The following CEP112 variants were observed in gnomAD, a reference collection of about 807,000 sequenced individuals.
The protein encoded by CEP112 is centrosomal protein of 112 kDa.
Under a neutral mutation model 153.0 loss-of-function variants are expected in CEP112, and 127 were observed. That is an observed-to-expected ratio of 0.83 (90% confidence interval 0.72 to 0.96). The LOEUF (loss-of-function observed/expected upper bound fraction) is 0.96, where lower values mean the gene tolerates loss of function less well. CEP112 is among the 40% of genes least tolerant of loss of function. The pLI is 0.00. For missense variants in CEP112, 1,089 were observed against 1,101.2 expected (o/e 0.99, Z 0.16); for synonymous variants, 358 against 374.4 (o/e 0.96, Z 0.51).
chr17:66,120,053 C>T (rs2040034183), intron 6 of CEP112, among the ~76,000 whole-genome samples: 1 of 152,066 alleles, frequency 6.6e-6, no homozygotes, highest in Non-Finnish European at 1.5e-5. Context: ...TGAATATCTC[C>T]CTAAGATGAA....
chr17:65,976,446 T>G (rs921777822), intron 17 of CEP112, among the ~76,000 whole-genome samples: 3 of 112,958 alleles, frequency 2.7e-5, no homozygotes, highest in East Asian at 1.9e-4. Context: ...TAGTAGTTTA[T>G]AACTACAGAA....
intron 17 of CEP112, among the ~76,000 whole-genome samples, chr17:65,971,204 CG>C (rs1568318326): frequency 2.6e-5 from 4 of 152,114 alleles, no homozygotes; most frequent in Middle Eastern, 3.4e-3. Context: ...TCACATTGCA[CG>C]TATGTATATC....
In CEP112 at chr17:66,101,350, A is replaced by T. The variant is rs138829491; in HGVS notation, c.643-4718T>A. ...AAGACCATAAGAAACCATTTGAAAC[A>T]TGCAAGAATTCAGAAAATACTGTAT... On this transcript the variant is annotated intron_variant, in intron 6 of 26. Transcript: ENST00000535342. 1.4e-3 allele frequency among the ~76,000 whole-genome samples: 207 copies of T among 152,222 alleles called. 2 individuals are homozygous for T. The East Asian group carries it at 0.027, about 20-fold the overall frequency.
chr17:65,811,647 T>G (rs972796651), intron 21 of CEP112, among the ~76,000 whole-genome samples: 1 of 152,238 alleles, frequency 6.6e-6, no homozygotes, highest in Admixed American at 6.5e-5. Context: ...GGGTAGGACA[T>G]GCTTTGTTCT....
At chr17:66,131,405 G>A (rs1185267496) in intron 5 of CEP112, among the ~76,000 whole-genome samples, 2 of 151,980 alleles carry the variant, frequency 1.3e-5, no homozygotes, top group Non-Finnish European at 2.9e-5. Context: ...ATTATCATTC[G>A]ATAAAATGCA....
Position 65,635,924 on chromosome 17 carries a change from T to C in CEP112, c.*47A>G. 1 of 1,585,924 alleles carries C rather than the reference T, an allele frequency of 6.3e-7. No homozygotes were observed. Among genetic ancestry groups the C allele is most frequent in the Admixed American group, 1.8e-5 (1 of 57,120 alleles). ...AAATCTTCAAACCTGCTGGAAGAAG[T>C]CCACAGCACAGCCTGGAAATTGCAT... On this transcript the variant is annotated 3_prime_UTR_variant, in exon 27 of 27. Transcript: ENST00000535342.
intron 4 of CEP112, among the ~76,000 whole-genome samples, chr17:66,139,721 A>G (rs1862635067): frequency 1.3e-5 from 2 of 152,196 alleles, no homozygotes; most frequent in Admixed American, 6.5e-5. Flanking sequence ...TGCAAAACTT[A>G]CCAAGATTGA....
chr17:65,753,724 T>C (rs560142341), intron 21 of CEP112, among the ~76,000 whole-genome samples: 20 of 152,310 alleles, frequency 1.3e-4, no homozygotes, highest in Admixed American at 8.5e-4. Flanking sequence ...AAACGCTTAA[T>C]AGAACTCATA....
intron 24 of CEP112, among the ~76,000 whole-genome samples, chr17:65,643,641 G>T (rs765733272): frequency 6.6e-6 from 1 of 152,126 alleles, no homozygotes; most frequent in Non-Finnish European, 1.5e-5. Context: ...TATGTGGAGC[G>T]TTAGCAACAG....
At chr17:65,932,352 CA>C (rs946964674) in intron 18 of CEP112, among the ~76,000 whole-genome samples, 1 of 151,600 alleles carries the variant, frequency 6.6e-6, no homozygotes, top group Non-Finnish European at 1.5e-5. Flanking sequence ...ACAAAGATTA[CA>C]AAAAAAATCA....
rs80094380 is a variant in CEP112 at position 65,695,204 on chromosome 17, G to A, written c.2608-5986C>T. Among the ~76,000 whole-genome samples, 1,542 of 152,286 alleles carry A rather than the reference G, an allele frequency of 0.01. 75 individuals are homozygous for A. In the East Asian group the frequency reaches 0.11, roughly 10 times the overall value. Reference sequence around the variant, plus strand: ...TCCACAAGAACAATGAGCGCACACCGCACTCTTTAAAAGGGAGAGCATTGT... The same window carrying A: ...TCCACAAGAACAATGAGCGCACACCACACTCTTTAAAAGGGAGAGCATTGT... On this transcript the variant is annotated intron_variant, in intron 23 of 26. Coordinates refer to ENST00000535342, the MANE Select transcript of CEP112 (RefSeq NM_001199165.4).
At chr17:65,876,514 T>A (rs1224790113) in intron 20 of CEP112, among the ~76,000 whole-genome samples, 1 of 152,184 alleles carries the variant, frequency 6.6e-6, no homozygotes, top group Non-Finnish European at 1.5e-5. Context: ...TTCCTTCTGT[T>A]CTGAAATGTA....
chr17:65,747,900 C>G (rs2051573220), intron 22 of CEP112, among the ~76,000 whole-genome samples: 1 of 152,172 alleles, frequency 6.6e-6, no homozygotes, highest in African/African-American at 2.4e-5. Flanking sequence ...ATCTTATGCT[C>G]TCTGAGGTAC....
intron 16 of CEP112, among the ~76,000 whole-genome samples, chr17:66,005,985 A>T (rs2064258100): frequency 6.6e-6 from 1 of 152,234 alleles, no homozygotes; most frequent in South Asian, 2.1e-4. Flanking sequence ...GTCTACCGGC[A>T]GGTGAATTCT....
intron 6 of CEP112, among the ~76,000 whole-genome samples, chr17:66,108,484 T>C (rs2068880502): frequency 1.3e-5 from 2 of 152,162 alleles, no homozygotes; most frequent in Admixed American, 1.3e-4. Context: ...AAAGAAGACA[T>C]ATAAATGTCA....
intron 21 of CEP112, among the ~76,000 whole-genome samples, chr17:65,800,308 G>A (rs1229033090): frequency 1.3e-5 from 2 of 151,508 alleles, no homozygotes; most frequent in African/African-American, 4.9e-5. Flanking sequence ...TCCACATTCT[G>A]TTTCTACGGA....
At chr17:66,123,835 T>C (rs1448407114) in intron 6 of CEP112, among the ~76,000 whole-genome samples, 1 of 152,236 alleles carries the variant, frequency 6.6e-6, no homozygotes, top group African/African-American at 2.4e-5. Flanking sequence ...TATTTGTGGA[T>C]TTCCCAAATA....
chr17:66,030,291 G>GAT (rs967932493), intron 12 of CEP112, among the ~76,000 whole-genome samples: 4 of 152,152 alleles, frequency 2.6e-5, no homozygotes, highest in Admixed American at 6.5e-5. Flanking sequence ...TAATATTCAA[G>GAT]AATGTAGATA....
At chr17:65,655,037 A>G (rs2045988328) in intron 24 of CEP112, 1 of 677,928 alleles carries the variant, frequency 1.5e-6, no homozygotes, top group Admixed American at 1.8e-5. Flanking sequence ...GGATAGTATC[A>G]CTCTTGACAC....
Sources: allele counts gnomAD v4.1 joint callset (sites outside exome capture counted in the v4.1 genomes callset), GRCh38; gene constraint gnomAD v4.1.1; transcripts MANE v1.5; gene names NCBI Gene and HGNC (gene_info 2026-07-23, HGNC 2026-07-21).